Variants in NEURL1 observed in about 807,000 individuals in gnomAD.
The protein encoded by NEURL1 is E3 ubiquitin-protein ligase NEURL1.
In NEURL1, 26 loss-of-function variants were observed where a neutral mutation model predicts 41.2. The ratio of observed to expected loss-of-function variants is 0.63; its 90% CI spans 0.46 to 0.87. NEURL1 has a LOEUF of 0.87. NEURL1 is among the 40% of genes least tolerant of loss of function. The pLI is 0.00. For synonymous variants in NEURL1, 400 were observed against 402.3 expected, an observed-to-expected ratio of 0.99 and a Z score of 0.07; for missense variants, 761 against 871.1, an observed-to-expected ratio of 0.87 and a Z score of 1.59.
intron 1 of NEURL1, among the ~76,000 whole-genome samples, chr10:103,536,629 G>A (rs2034699820): frequency 6.6e-6 from 1 of 152,092 alleles, no homozygotes; most frequent in Non-Finnish European, 1.5e-5. Flanking sequence ...ATGGGGAGGA[G>A]CACTAGCGGG....
chr10:103,582,679 A>G (rs2035805808), intron 3 of NEURL1, among the ~76,000 whole-genome samples: 2 of 152,168 alleles, frequency 1.3e-5, no homozygotes, highest in South Asian at 4.2e-4. Context: ...TGCTGTCCCT[A>G]CCAGACCAAT....
At chr10:103,526,000 G>A (rs2034451912) in intron 1 of NEURL1, among the ~76,000 whole-genome samples, 1 of 152,142 alleles carries the variant, frequency 6.6e-6, no homozygotes, top group Non-Finnish European at 1.5e-5. Context: ...TCTATTGAGA[G>A]GAGCATATGG....
chr10:103,571,784 T>C lies in NEURL1; in HGVS notation c.611T>C (p.Val204Ala). 1 of 1,612,966 alleles carries C rather than the reference T, an allele frequency of 6.2e-7. No individual in the cohort carries two copies. The highest frequency in any genetic ancestry group is 8.5e-7 in the Non-Finnish European group (1 of 1,179,436). ...VRTADPLWAL[V>A]DVYGLTRGVQ... is the part of the protein sequence containing the mutation. The stretch of plus-strand genomic sequence containing the variant: ...ACGGCCGACCCGCTCTGGGCCCTGG[T>C]GGACGTCTACGGCCTCACGCGGGGC... Residue 204 changes from valine to alanine, a missense_variant, in exon 3 of 6, where the codon GTG becomes GCG. Val to Ala is a moderately conservative substitution (Grantham distance 64, BLOSUM62 0). This residue lies in a region of NEURL1 where 114 missense variants were observed against 144.8 expected (regional missense o/e 0.79). Coordinates refer to ENST00000369780, the MANE Select transcript of NEURL1 (RefSeq NM_004210.5).
intron 3 of NEURL1, among the ~76,000 whole-genome samples, chr10:103,576,451 G>T (rs1410894638): frequency 6.6e-6 from 1 of 152,160 alleles, no homozygotes; most frequent in Non-Finnish European, 1.5e-5. Context: ...GTATGTGTAT[G>T]CATCACAGGG....
chr10:103,553,494 C>T (rs1221631308), intron 1 of NEURL1, among the ~76,000 whole-genome samples: 1 of 151,630 alleles, frequency 6.6e-6, no homozygotes, highest in Admixed American at 6.6e-5. Context: ...GTCGTGGCTT[C>T]TCCCGGAAGT....
Position 103,571,761 on chromosome 10 carries a change from G to T in NEURL1, c.588G>T (p.Thr196=), listed in dbSNP as rs373242637. The T allele has an allele frequency of 2.5e-6, 4 of 1,613,788 alleles. No individual in the cohort carries two copies. Among genetic ancestry groups the T allele is most frequent in the African/African-American group, 1.3e-5 (1 of 75,060 alleles). The change falls in exon 3 of 6, where the codon ACG becomes ACT. Residue 196 remains threonine, a synonymous_variant. Coordinates refer to ENST00000369780, the MANE Select transcript of NEURL1 (RefSeq NM_004210.5). ...TGCTGTTCTTCAGCGGGGTCCGCACGGCCGACCCGCTCTGGGCCCTGGTGG... is the reference window on the plus strand; with the variant it reads ...TGCTGTTCTTCAGCGGGGTCCGCACTGCCGACCCGCTCTGGGCCCTGGTGG... ...AVMLFFSGVR[T]ADPLWALVDV...
intron 1 of NEURL1, among the ~76,000 whole-genome samples, chr10:103,532,368 A>G (rs929514983): frequency 6.6e-6 from 1 of 151,958 alleles, no homozygotes; most frequent in Middle Eastern, 3.2e-3. Flanking sequence ...TGAGTTTTAC[A>G]CTTTTATGTG....
At position 103,570,575 on chromosome 10, in the gene NEURL1, A is replaced by G. The variant is rs1432448374; in HGVS notation, c.86-297A>G. On this transcript the variant is annotated intron_variant, in intron 1 of 5. Transcript: ENST00000369780. Reference sequence around the variant, plus strand: ...TACCATGGTAGGTGGTGAGAGGCAGAGGGTGGTAAATACTAGTGGGGAGAG... The same window carrying G: ...TACCATGGTAGGTGGTGAGAGGCAGGGGGTGGTAAATACTAGTGGGGAGAG... Among the ~76,000 whole-genome samples, 13 of 119,898 alleles carry G rather than the reference A, an allele frequency of 1.1e-4. No individual in the cohort carries two copies. In the Admixed American group the frequency reaches 1.2e-3, roughly 11 times the overall value. The allele number at this position is 119,898 out of a possible 152,430, so 78.7% of individuals were successfully genotyped here.
intron 1 of NEURL1, among the ~76,000 whole-genome samples, chr10:103,526,742 C>T (rs568408295): frequency 1.6e-3 from 245 of 152,126 alleles, no homozygotes; most frequent in South Asian, 2.9e-3. Flanking sequence ...GAACTCCTGA[C>T]GTCATGATCC....
At chr10:103,509,447 T>C (rs1331130888) in intron 1 of NEURL1, among the ~76,000 whole-genome samples, 3 of 152,188 alleles carry the variant, frequency 2.0e-5, no homozygotes, top group African/African-American at 7.2e-5. Flanking sequence ...ATAGCATTAC[T>C]GTGCTAGATA....
chr10:103,567,530 C>T (rs2035451475), intron 1 of NEURL1, among the ~76,000 whole-genome samples: 1 of 152,060 alleles, frequency 6.6e-6, no homozygotes, highest in Non-Finnish European at 1.5e-5. Context: ...ACTACTGGGA[C>T]TCAGTACAGG....
intron 1 of NEURL1, among the ~76,000 whole-genome samples, chr10:103,496,518 G>T (rs553202210): frequency 6.6e-6 from 1 of 152,280 alleles, no homozygotes; most frequent in South Asian, 2.1e-4. Context: ...GATCATATGG[G>T]ATTGCATTTT....
At position 103,558,775 on chromosome 10, in the gene NEURL1, G is replaced by A. The variant is rs1377227096; in HGVS notation, c.86-12097G>A. Among the ~76,000 whole-genome samples the A allele has an allele frequency of 1.3e-5, 2 of 152,074 alleles. No homozygotes were observed. Among genetic ancestry groups the A allele is most frequent in the Admixed American group, 6.5e-5 (1 of 15,272 alleles). On this transcript the variant is annotated intron_variant, in intron 1 of 5. Coordinates refer to ENST00000369780, the MANE Select transcript of NEURL1 (RefSeq NM_004210.5). This position sits in a 1 kb window ranked among gnomAD's most constrained non-coding sequence, Gnocchi z 4.2. ...GACACTGGGAGGTCCCCCTCCTCTC[G>A]CCTCTGCCGTCCTCTCTTCTTCCTT...
At chr10:103,567,716 C>T (rs2035455872) in intron 1 of NEURL1, among the ~76,000 whole-genome samples, 1 of 152,136 alleles carries the variant, frequency 6.6e-6, no homozygotes, top group Admixed American at 6.6e-5. Flanking sequence ...GCTTAATGGC[C>T]AATAACAAAG....
intron 3 of NEURL1, 74 bp downstream of exon 3, chr10:103,571,896 T>G: frequency 7.1e-7 from 1 of 1,409,474 alleles, no homozygotes; most frequent in South Asian, 1.3e-5. Context: ...CCTGGCACTG[T>G]TCAATCCCAT....
Position 103,493,846 on chromosome 10 carries a change from G to A in NEURL1, c.-542G>A, listed in dbSNP as rs560096671. 5 of 151,896 alleles carry A rather than the reference G, an allele frequency of 3.3e-5. No individual in the cohort carries two copies. The highest frequency in any genetic ancestry group is 1.2e-4 in the African/African-American group (5 of 41,506). The allele number at this position is 151,896 out of a possible 1,614,324, so 9.4% of individuals were successfully genotyped here. On this transcript the variant is annotated 5_prime_UTR_variant, in exon 1 of 6. Coordinates refer to ENST00000369780, the MANE Select transcript of NEURL1 (RefSeq NM_004210.5). ...CCGCGGCGGTCGGGGGACACCAGCTGCGTCGGAGCGCCCAGAACGCCCCGC... is the reference window on the plus strand; with the variant it reads ...CCGCGGCGGTCGGGGGACACCAGCTACGTCGGAGCGCCCAGAACGCCCCGC...
chr10:103,538,296 C>T (rs1273070187), intron 1 of NEURL1, among the ~76,000 whole-genome samples: 4 of 152,130 alleles, frequency 2.6e-5, no homozygotes, highest in African/African-American at 7.2e-5. Flanking sequence ...TTAGGCTGAG[C>T]ACGGTGGCTC....
chr10:103,544,290 C>G (rs1322315968), intron 1 of NEURL1, among the ~76,000 whole-genome samples: 2 of 152,120 alleles, frequency 1.3e-5, no homozygotes, highest in Non-Finnish European at 2.9e-5. Flanking sequence ...CTTGGGGGTG[C>G]CCATGTTGGG....
chr10:103,531,122 AG>A (rs2034561212), intron 1 of NEURL1, among the ~76,000 whole-genome samples: 2 of 151,920 alleles, frequency 1.3e-5, no homozygotes, highest in Non-Finnish European at 2.9e-5. Flanking sequence ...TGGGAGGCTG[AG>A]GCAGGAGAAT....
Sources: allele counts gnomAD v4.1 joint callset (sites outside exome capture counted in the v4.1 genomes callset), GRCh38; gene constraint gnomAD v4.1.1; regional missense constraint gnomAD v4.1.1; non-coding constraint Gnocchi (gnomAD v3.1); transcripts MANE v1.5; gene names NCBI Gene and HGNC (gene_info 2026-07-23, HGNC 2026-07-21).